Variants in LMO7 observed in about 807,000 individuals in gnomAD.
LMO7 encodes LIM domain only protein 7.
A neutral mutation model predicts 206.5 loss-of-function variants in LMO7; 120 were observed. The observed-to-expected ratio is 0.58, with a 90% CI of 0.50 to 0.68. The LOEUF (loss-of-function observed/expected upper bound fraction) is 0.68. LMO7 is among the 30% of genes least tolerant of loss of function. The pLI, the probability that LMO7 is intolerant of heterozygous loss-of-function variation, is 0.00. For missense variants in LMO7, 1,959 were observed against 1,957.9 expected (o/e 1.00, Z -0.01); for synonymous variants, 706 against 681.5 (o/e 1.04, Z -0.56).
At chr13:75,740,393 A>G (rs915862584) in intron 3 of LMO7, among the ~76,000 whole-genome samples, 2 of 152,252 alleles carry the variant, frequency 1.3e-5, no homozygotes, top group Admixed American at 6.5e-5. Context: ...GTTTGAGGCT[A>G]CAATGAGCTA....
chr13:75,847,514 A>G (rs2060096659), intron 26 of LMO7, among the ~76,000 whole-genome samples: 1 of 152,174 alleles, frequency 6.6e-6, no homozygotes, highest in Admixed American at 6.5e-5. Context: ...TACTCTTACA[A>G]TTTTGGTTGT....
chr13:75,776,162 G>GAGATATATATATAT (rs2050384687), intron 4 of LMO7, among the ~76,000 whole-genome samples: 1 of 36,830 alleles, frequency 2.7e-5, no homozygotes, highest in Non-Finnish European at 6.0e-5. Flanking sequence ...ATATATATCG[G>GAGATATATATATAT]ATATATATAT....
chr13:75,725,439 T>C (rs2044388603), intron 2 of LMO7, among the ~76,000 whole-genome samples: 1 of 152,154 alleles, frequency 6.6e-6, no homozygotes, highest in African/African-American at 2.4e-5. Flanking sequence ...ATTTATACTT[T>C]CCAGAATTAT....
At chr13:75,633,350 C>T (rs771578616), upstream of LMO7, among the ~76,000 whole-genome samples, 55 of 152,106 alleles carry the variant, frequency 3.6e-4, no homozygotes, top group Non-Finnish European at 2.8e-4. Flanking sequence ...CTTTTCTAAA[C>T]GGACCCACAG....
chr13:75,818,459 C>G (rs2057269007), intron 12 of LMO7, among the ~76,000 whole-genome samples: 1 of 152,228 alleles, frequency 6.6e-6, no homozygotes, highest in African/African-American at 2.4e-5. Flanking sequence ...CAGTTCTTAG[C>G]AGTTCTCTAT....
At chr13:75,759,797 A>G (rs1256406402) in intron 3 of LMO7, among the ~76,000 whole-genome samples, 1 of 151,966 alleles carries the variant, frequency 6.6e-6, no homozygotes, top group Middle Eastern at 3.2e-3. Flanking sequence ...GAATTTAGCC[A>G]CTTTATCTTA....
At chr13:75,839,377 G>A (rs2059394866) in intron 20 of LMO7, among the ~76,000 whole-genome samples, 1 of 152,114 alleles carries the variant, frequency 6.6e-6, no homozygotes, top group Non-Finnish European at 1.5e-5. Context: ...GAATTTATTT[G>A]ACAGCTGAGG....
chr13:75,624,651 A>T (rs1015602998), intron 2 of LMO7, among the ~76,000 whole-genome samples: 1 of 152,206 alleles, frequency 6.6e-6, no homozygotes, highest in Non-Finnish European at 1.5e-5. Context: ...TCATGGTGGA[A>T]GGTGAAAGAT....
intron 11 of LMO7, among the ~76,000 whole-genome samples, chr13:75,814,836 A>T (rs1030909839): frequency 3.3e-5 from 5 of 152,164 alleles, no homozygotes; most frequent in Non-Finnish European, 7.3e-5. Flanking sequence ...AGCTATGTGG[A>T]TATCTGGGTG....
chr13:75,650,502 A>G (rs896561440), intron 1 of LMO7, among the ~76,000 whole-genome samples: 6 of 151,840 alleles, frequency 4.0e-5, no homozygotes, highest in Non-Finnish European at 7.4e-5. Flanking sequence ...CTTCTTTGCT[A>G]TTCTTTCTTG....
intron 2 of LMO7, among the ~76,000 whole-genome samples, chr13:75,720,029 C>CTAA (rs2138353113): frequency 6.6e-6 from 1 of 152,214 alleles, no homozygotes; most frequent in Non-Finnish European, 1.5e-5. Flanking sequence ...GAATTTTGAC[C>CTAA]ATTCTAATAA....
chr13:75,819,371 G>A, intron 12 of LMO7, 22 bp from the exon 13 acceptor site: 1 of 1,581,456 alleles, frequency 6.3e-7, no homozygotes, highest in Middle Eastern at 1.7e-4. Flanking sequence ...GTGTGCCCCT[G>A]CTGATGTGAT....
intron 28 of LMO7, among the ~76,000 whole-genome samples, chr13:75,853,614 G>C (rs1396215182): frequency 1.3e-5 from 2 of 152,200 alleles, no homozygotes; most frequent in Non-Finnish European, 2.9e-5. Context: ...AGACTTTGAA[G>C]GTGTCTACTT....
At chr13:75,734,821 C>T (rs192298228) in intron 3 of LMO7, among the ~76,000 whole-genome samples, 251 of 152,202 alleles carry the variant, frequency 1.6e-3, no homozygotes, top group African/African-American at 3.5e-3. Context: ...TTATATAGGC[C>T]GGGTGTGGTG....
chr13:75,833,202 C>A, intron 16 of LMO7, 37 bp downstream of exon 16: 1 of 1,134,126 alleles, frequency 8.8e-7, no homozygotes, highest in South Asian at 1.2e-5. Context: ...ATTTTCTTCT[C>A]CTTTTCTATC....
Position 75,817,180 on chromosome 13 carries a change from G to A in LMO7, c.1966G>A (p.Val656Ile), listed in dbSNP as rs1027327709. Residue 656 changes from valine (V) to isoleucine (I), a missense_variant, in exon 12 of 31, where the codon GTC becomes ATC. Transcript: ENST00000377534. The part of the protein sequence containing the change: ...GENGSKSMSD[V>I]SAEDVQNLRQ... ...TTGTAGGAGTAAGTCCATGAGTGAT[G>A]TCAGCGCAGAAGATGTTCAAAACTT... 10 of 1,613,232 alleles carry A rather than the reference G, an allele frequency of 6.2e-6. No homozygotes were observed. The Admixed American group carries it at 1.5e-4, about 24-fold the overall frequency.
intron 2 of LMO7, among the ~76,000 whole-genome samples, chr13:75,630,946 G>A (rs1169384139): frequency 4.0e-5 from 6 of 151,654 alleles, no homozygotes; most frequent in African/African-American, 1.2e-4. Flanking sequence ...GTGAGCCACC[G>A]TGCCTGGCCT....
chr13:75,786,377 C>CT (rs113210539), intron 4 of LMO7, among the ~76,000 whole-genome samples: 2,026 of 140,054 alleles, frequency 0.014, 42 homozygotes, highest in African/African-American at 0.042. Flanking sequence ...TTATTTTCTT[C>CT]TTTTTTTTTT....
chr13:75,651,077 A>C (rs1402511016), intron 1 of LMO7, among the ~76,000 whole-genome samples: 2 of 152,190 alleles, frequency 1.3e-5, no homozygotes, highest in African/African-American at 2.4e-5. Flanking sequence ...GACTTGGAAA[A>C]TGCTTGTAAG....
Sources: gnomAD v4.1 joint callset for allele counts (sites outside exome capture counted in the v4.1 genomes callset) on GRCh38, gnomAD v4.1.1 for gene constraint, MANE v1.5 for transcripts, NCBI Gene and HGNC (gene_info 2026-07-23, HGNC 2026-07-21) for gene names.